Variants in SOS2 observed in about 807,000 individuals in gnomAD.
SOS2 encodes the protein son of sevenless homolog 2.
SOS2 carries 65 observed loss-of-function variants against 148.2 expected under a neutral mutation model. That is an observed-to-expected ratio of 0.44 (90% CI 0.36 to 0.54). SOS2 has a LOEUF of 0.54. Among genes scored for constraint, SOS2 ranks in the 20% least tolerant of loss-of-function variants. The pLI is 0.00. For synonymous variants in SOS2, 539 were observed against 537.1 expected (o/e 1.00, Z -0.05); for missense variants, 1,341 against 1,590.2 (o/e 0.84, Z 2.67).
At chr14:50,119,803 CT>C (rs59325250) in intron 22 of SOS2, among the ~76,000 whole-genome samples, 1,289 of 68,522 alleles carry the variant, frequency 0.019, 5 homozygotes, top group African/African-American at 0.048. Context: ...CCCAACCAGC[CT>C]TTTTTTTTTT....
intron 4 of SOS2, among the ~76,000 whole-genome samples, chr14:50,190,323 T>C (rs1489908979): frequency 6.6e-6 from 1 of 152,198 alleles, no homozygotes; most frequent in African/African-American, 2.4e-5. Context: ...GAGGAAATTC[T>C]GACAACACAA....
intron 8 of SOS2, among the ~76,000 whole-genome samples, chr14:50,167,894 G>C (rs1381827321): frequency 6.6e-6 from 1 of 151,784 alleles, no homozygotes; most frequent in Non-Finnish European, 1.5e-5. Context: ...AAAAAAGTGA[G>C]TCCAGGTGAA....
chr14:50,231,309 C>G lies in SOS2; in HGVS notation c.-26G>C. On this transcript the variant is annotated 5_prime_UTR_variant, in exon 1 of 23. Coordinates refer to ENST00000216373, the MANE Select transcript of SOS2 (RefSeq NM_006939.4). ...GGCCCCGGCGACAGCGCCTCCGCAT[C>G]GGGGGCAGCCCGCGGGCCGGGCCGG... is the stretch of plus-strand genomic sequence containing the variant. 2 of 1,343,818 alleles carry G rather than the reference C, an allele frequency of 1.5e-6. No individual in the cohort carries two copies. The highest frequency in any genetic ancestry group is 2.0e-6 in the Non-Finnish European group (2 of 1,018,700). The allele number at this position is 1,343,818 out of a possible 1,614,324, so 83.2% of individuals were successfully genotyped here. A position where few individuals can be genotyped will look rare whatever the true frequency, so the allele number is the denominator to read the frequency against.
Position 50,204,409 on chromosome 14 carries a change from C to G in SOS2, c.88G>C (p.Val30Leu). The G allele has an allele frequency of 6.4e-7, 1 of 1,556,794 alleles. No individual in the cohort carries two copies. The highest frequency in any genetic ancestry group is 8.7e-7 in the Non-Finnish European group (1 of 1,147,364). ...AGAGTGGGATGCACTTGTTCCTGAACCTTTAAAAAAAAGTTATCAGTTAAA... is the reference window on the plus strand; with the variant it reads ...AGAGTGGGATGCACTTGTTCCTGAAGCTTTAAAAAAAAGTTATCAGTTAAA... ...RGLLVSALRK[V>L]QEQVHPTLSA... The change falls in exon 2 of 23, where the codon GTT (valine) becomes CTT (leucine). Residue 30 changes from valine (V) to leucine (L), a missense_variant and splice_region_variant. Physicochemically the swap from Val to Leu is conservative, Grantham distance 32 (BLOSUM62 1). This residue lies in a region of SOS2 where 574 missense variants were observed against 711.1 expected (regional missense o/e 0.81). Transcript: ENST00000216373.
At chr14:50,206,738 TTTTAAA>T (rs1215889249) in intron 1 of SOS2, among the ~76,000 whole-genome samples, 2 of 149,596 alleles carry the variant, frequency 1.3e-5, no homozygotes, top group Non-Finnish European at 3.0e-5. Context: ...ACATGAGATT[TTTTAAA>T]AGGTTTTTAA....
At chr14:50,227,887 T>C (rs1887428969) in intron 1 of SOS2, among the ~76,000 whole-genome samples, 1 of 152,114 alleles carries the variant, frequency 6.6e-6, no homozygotes, top group Non-Finnish European at 1.5e-5. Context: ...AGATATCCAG[T>C]TTTCATAAAA....
intron 1 of SOS2, among the ~76,000 whole-genome samples, chr14:50,226,001 A>G (rs2139872969): frequency 6.8e-6 from 1 of 146,478 alleles, no homozygotes; most frequent in African/African-American, 2.5e-5. Flanking sequence ...TCAGCCTCAA[A>G]TCCTTCCCCC....
At chr14:50,165,850 G>GT (rs1885147269) in intron 8 of SOS2, among the ~76,000 whole-genome samples, 1 of 152,116 alleles carries the variant, frequency 6.6e-6, no homozygotes. Context: ...GTAACACGAG[G>GT]TACTATAATC....
In SOS2 at chr14:50,161,614, G is replaced by A. The variant is rs767006090; in HGVS notation, c.1069-5C>T. 1 of 1,604,948 alleles carries A rather than the reference G, an allele frequency of 6.2e-7. No homozygotes were observed. The highest frequency in any genetic ancestry group is 1.1e-5 in the South Asian group (1 of 89,116). On this transcript the variant is annotated splice_polypyrimidine_tract_variant and splice_region_variant and intron_variant, in intron 8 of 22. Transcript: ENST00000216373. The stretch of plus-strand genomic sequence containing the variant: ...TTCACTACATGCTTTCAATTGCTAA[G>A]AAAAAACAGAAAGAAAAATCAAAAC...
intron 16 of SOS2, among the ~76,000 whole-genome samples, chr14:50,141,410 A>G (rs1328600737): frequency 2.0e-5 from 3 of 151,442 alleles, no homozygotes; most frequent in African/African-American, 7.3e-5. Context: ...AGTCCCCACT[A>G]CTCAGGAGAC....
At chr14:50,141,330 C>T (rs866129867) in intron 16 of SOS2, among the ~76,000 whole-genome samples, 10 of 151,494 alleles carry the variant, frequency 6.6e-5, no homozygotes, top group South Asian at 4.2e-4. Flanking sequence ...AACCAGTCTG[C>T]GCAACATAGC....
chr14:50,198,126 G>C (rs572642552), intron 4 of SOS2, among the ~76,000 whole-genome samples: 3 of 151,706 alleles, frequency 2.0e-5, no homozygotes, highest in Non-Finnish European at 4.4e-5. Flanking sequence ...AAGATCATTA[G>C]GATATGTGAC....
intron 13 of SOS2, among the ~76,000 whole-genome samples, chr14:50,152,850 A>G (rs1019999539): frequency 2.0e-5 from 3 of 152,112 alleles, no homozygotes; most frequent in Non-Finnish European, 4.4e-5. Flanking sequence ...CTGTAGTCCC[A>G]GCTACTTGGG....
Position 50,118,360 on chromosome 14 carries a change from G to A in SOS2, c.3983C>T (p.Ala1328Val). Residue 1328 changes from alanine (A) to valine (V), a missense_variant, in exon 23 of 23, where the codon GCA becomes GTA. By Grantham distance (64) the Ala-to-Val change is moderately conservative. Transcript: ENST00000216373. ...TGGCTAAGGTCATTGGGGAGTTTCT[G>A]CATTTTCTAGCAAAGGCAGTCTGTA... ...PLYRLPLLEN[A>V]ETPQ The A allele has an allele frequency of 6.2e-7, 1 of 1,613,656 alleles. No individual in the cohort carries two copies. Among genetic ancestry groups the A allele is most frequent in the Non-Finnish European group, 8.5e-7 (1 of 1,179,644 alleles).
chr14:50,172,353 T>C (rs11157731), intron 8 of SOS2, among the ~76,000 whole-genome samples: 32,241 of 150,864 alleles, frequency 0.21, 3,835 homozygotes, highest in East Asian at 0.47. Context: ...ACTGAGTATA[T>C]TCCATATTTA....
intron 6 of SOS2, among the ~76,000 whole-genome samples, 156 bp from the exon 7 acceptor site, chr14:50,180,838 G>A (rs1885709759): frequency 6.6e-6 from 1 of 151,876 alleles, no homozygotes; most frequent in South Asian, 2.1e-4. Context: ...GTGAAACCCT[G>A]TCTCAAAAGA....
At chr14:50,184,876 A>C (rs1358756490) in intron 5 of SOS2, among the ~76,000 whole-genome samples, 1 of 151,148 alleles carries the variant, frequency 6.6e-6, no homozygotes, top group East Asian at 1.9e-4. Context: ...AAAAAAAAAA[A>C]AAAAAAAAAA....
chr14:50,185,107 C>G (rs190327262), intron 5 of SOS2, among the ~76,000 whole-genome samples: 1 of 151,992 alleles, frequency 6.6e-6, no homozygotes, highest in Non-Finnish European at 1.5e-5. Context: ...GTGAGCTGTT[C>G]GACCAAATTA....
intron 4 of SOS2, among the ~76,000 whole-genome samples, chr14:50,197,158 C>T (rs1886336550): frequency 6.6e-6 from 1 of 152,096 alleles, no homozygotes; most frequent in South Asian, 2.1e-4. Flanking sequence ...TGGCCTACAA[C>T]ATCTAAATAA....
Sources: allele counts gnomAD v4.1 joint callset (sites outside exome capture counted in the v4.1 genomes callset), GRCh38; gene constraint gnomAD v4.1.1; regional missense constraint gnomAD v4.1.1; transcripts MANE v1.5; gene names NCBI Gene and HGNC (gene_info 2026-07-23, HGNC 2026-07-21).